Variants in COLEC10 observed in about 807,000 individuals in gnomAD.
COLEC10 encodes the protein collectin-10.
A neutral mutation model predicts 28.4 loss-of-function variants in COLEC10; 22 were observed. That is an observed-to-expected ratio of 0.78 (90% CI 0.55 to 1.11). COLEC10 has a LOEUF of 1.11. Among genes scored for constraint, COLEC10 ranks in the 50% least tolerant of loss-of-function variants. The probability of loss-of-function intolerance (pLI) is 0.00; values close to 1 mark genes in which losing one functional copy is unlikely to be tolerated. For synonymous variants in COLEC10, 125 were observed against 116.1 expected, an observed-to-expected ratio of 1.08 and a Z score of -0.49; for missense variants, 361 against 344.1, an observed-to-expected ratio of 1.05 and a Z score of -0.39.
chr8:119,022,825 T>G (rs548453781), intron 2 of COLEC10, among the ~76,000 whole-genome samples: 3 of 152,234 alleles, frequency 2.0e-5, no homozygotes, highest in Non-Finnish European at 4.4e-5. Flanking sequence ...GTAGCTGTCA[T>G]CTCACTGAAA....
At chr8:118,973,568 C>T in the COLEC10 span, among the ~76,000 whole-genome samples, 2,589 of 152,078 alleles carry the variant, frequency 0.017, 63 homozygotes, top group African/African-American at 0.058. Flanking sequence ...AAAGAATCTA[C>T]TAGCAAGACA....
chr8:119,078,399 G>T (rs1815298933), intron 1 of COLEC10, among the ~76,000 whole-genome samples: 1 of 152,118 alleles, frequency 6.6e-6, no homozygotes, highest in East Asian at 1.9e-4. Context: ...CTCTTAGCAG[G>T]GTTGAAGATA....
At chr8:119,069,463 C>T (rs1442663110) in intron 1 of COLEC10, among the ~76,000 whole-genome samples, 1 of 150,190 alleles carries the variant, frequency 6.7e-6, no homozygotes, top group Non-Finnish European at 1.5e-5. Context: ...AAAAATTAGC[C>T]AGGTGTGGTG....
the COLEC10 span, among the ~76,000 whole-genome samples, chr8:118,964,610 G>A: frequency 3.3e-5 from 5 of 152,160 alleles, no homozygotes; most frequent in Non-Finnish European, 7.4e-5. Flanking sequence ...TGAAAGAAAA[G>A]GGAAAGATAT....
chr8:118,952,665 G>T, the COLEC10 span, among the ~76,000 whole-genome samples: 1 of 152,186 alleles, frequency 6.6e-6, no homozygotes, highest in African/African-American at 2.4e-5. Flanking sequence ...GGATAACCTT[G>T]CGGAGCACTG....
At chr8:118,989,563 ACACACACACACACACC>A in the COLEC10 span, among the ~76,000 whole-genome samples, 14 of 149,500 alleles carry the variant, frequency 9.4e-5, no homozygotes, top group African/African-American at 3.3e-4. Flanking sequence ...ACACACACAC[ACACACACACACACACC>A]CCTACCTACC....
chr8:119,029,217 C>A (rs1242922988), intron 2 of COLEC10, among the ~76,000 whole-genome samples: 2 of 152,110 alleles, frequency 1.3e-5, no homozygotes, highest in East Asian at 3.9e-4. Context: ...GCAGGAGGAA[C>A]TTAATTAGTG....
chr8:119,083,821 T>A (rs1456039784), intron 1 of COLEC10, among the ~76,000 whole-genome samples: 7 of 152,160 alleles, frequency 4.6e-5, no homozygotes, highest in African/African-American at 1.7e-4. Context: ...AAAATGTAAG[T>A]ATAAATTATT....
chr8:119,106,995 G>A lies in COLEC10; in HGVS notation c.*804G>A, dbSNP rs1016222656. On this transcript the variant is annotated 3_prime_UTR_variant, in exon 6 of 6. Coordinates refer to ENST00000332843, the MANE Select transcript of COLEC10 (RefSeq NM_006438.5). ...GGGGAATTGTTCACAAACAATACTG[G>A]TTATAGTTCTCTTGCTAAATTGCCC... Among the ~76,000 whole-genome samples, 1 of 152,110 alleles carries A rather than the reference G, an allele frequency of 6.6e-6. No individual in the cohort carries two copies. The highest frequency in any genetic ancestry group is 1.5e-5 in the Non-Finnish European group (1 of 68,024).
chr8:119,031,721 C>T (rs2326194), intron 2 of COLEC10, among the ~76,000 whole-genome samples: 97,939 of 152,010 alleles, frequency 0.64, 32,565 homozygotes, highest in African/African-American at 0.81. Flanking sequence ...TAATTCTTTT[C>T]TGATTGTGTT....
intron 2 of COLEC10, among the ~76,000 whole-genome samples, chr8:119,055,929 CTT>C (rs1272610283): frequency 6.6e-6 from 1 of 152,020 alleles, no homozygotes; most frequent in Non-Finnish European, 1.5e-5. Context: ...ATGTAGATGA[CTT>C]TCTAATCTGT....
intron 3 of COLEC10, among the ~76,000 whole-genome samples, chr8:119,091,678 A>C (rs1435930548): frequency 6.6e-6 from 1 of 152,084 alleles, no homozygotes; most frequent in Non-Finnish European, 1.5e-5. Flanking sequence ...TGTATCATGA[A>C]AATATCTCCT....
At chr8:119,025,646 T>C (rs1814177652) in intron 2 of COLEC10, among the ~76,000 whole-genome samples, 1 of 152,196 alleles carries the variant, frequency 6.6e-6, no homozygotes, top group Admixed American at 6.5e-5. Context: ...GAGAATTCCC[T>C]TTTGGGAACC....
At chr8:119,023,417 G>A (rs2130112287) in intron 2 of COLEC10, among the ~76,000 whole-genome samples, 1 of 152,236 alleles carries the variant, frequency 6.6e-6, no homozygotes, top group South Asian at 2.1e-4. Context: ...TTAGAGAGAA[G>A]CACAGAGCCT....
At chr8:118,992,863 G>T (rs1813526144), upstream of COLEC10, among the ~76,000 whole-genome samples, 1 of 151,988 alleles carries the variant, frequency 6.6e-6, no homozygotes, top group Non-Finnish European at 1.5e-5. Flanking sequence ...TGTTTACTTT[G>T]ATTATTCTGG....
chr8:118,960,870 C>T, the COLEC10 span, among the ~76,000 whole-genome samples: 1 of 151,500 alleles, frequency 6.6e-6, no homozygotes, highest in African/African-American at 2.4e-5. Flanking sequence ...ATATGGATCA[C>T]CTGTGAACCA....
chr8:119,069,605 CAAAAAA>C (rs138362458), intron 1 of COLEC10, among the ~76,000 whole-genome samples: 7 of 8,798 alleles, frequency 8.0e-4, no homozygotes, highest in African/African-American at 1.7e-3. Context: ...GACCCCATCT[CAAAAAA>C]AAAAAAAAAA....
intron 2 of COLEC10, among the ~76,000 whole-genome samples, chr8:119,052,628 T>C (rs1471645830): frequency 1.3e-5 from 2 of 152,106 alleles, no homozygotes; most frequent in Non-Finnish European, 2.9e-5. Flanking sequence ...ATAAAAATAA[T>C]ATCTGTGGAA....
At chr8:118,994,034 A>G (rs1813549759), upstream of COLEC10, among the ~76,000 whole-genome samples, 1 of 152,142 alleles carries the variant, frequency 6.6e-6, no homozygotes, top group African/African-American at 2.4e-5. Context: ...CTCTATCAAA[A>G]TGGAGAACAT....
Sources: allele counts gnomAD v4.1 joint callset (sites outside exome capture counted in the v4.1 genomes callset), GRCh38; gene constraint gnomAD v4.1.1; transcripts MANE v1.5; gene names NCBI Gene and HGNC (gene_info 2026-07-23, HGNC 2026-07-21).